SMIM36: variants seen among roughly 807,000 people sequenced by gnomAD.
SMIM36 encodes small integral membrane protein 36.
chr17:55,471,880 T>G (rs532608493), intron 3 of SMIM36, among the ~76,000 whole-genome samples: 80 of 152,336 alleles, frequency 5.3e-4, no homozygotes, highest in Middle Eastern at 3.4e-3. Flanking sequence ...AGCCGCCTCT[T>G]TAATACTTCT....
chr17:55,528,442 C>T, the SMIM36 span, among the ~76,000 whole-genome samples: 2 of 152,072 alleles, frequency 1.3e-5, no homozygotes, highest in African/African-American at 4.8e-5. Context: ...GCTTCAAGCT[C>T]CTGGTCTCCA....
At chr17:55,486,610 G>GTC (rs1909612068) in intron 1 of SMIM36, among the ~76,000 whole-genome samples, 1 of 152,140 alleles carries the variant, frequency 6.6e-6, no homozygotes, top group African/African-American at 2.4e-5. Flanking sequence ...AAGCACTCAG[G>GTC]TGATTTTGAT....
intron 4 of SMIM36, among the ~76,000 whole-genome samples, chr17:55,453,601 T>G (rs1908964046): frequency 6.6e-6 from 1 of 152,222 alleles, no homozygotes; most frequent in Non-Finnish European, 1.5e-5. Context: ...ATATCATTGG[T>G]GTACATAGAG....
At chr17:55,480,634 C>A (rs1409079092) in intron 1 of SMIM36, among the ~76,000 whole-genome samples, 1 of 152,140 alleles carries the variant, frequency 6.6e-6, no homozygotes, top group East Asian at 1.9e-4. Flanking sequence ...CTTTTGATGT[C>A]TAATAATAAT....
At chr17:55,473,102 C>T (rs1279074459) in intron 3 of SMIM36, among the ~76,000 whole-genome samples, 2 of 152,100 alleles carry the variant, frequency 1.3e-5, no homozygotes, top group African/African-American at 4.8e-5. Flanking sequence ...CTCTTCCTGC[C>T]TCACAAGCTC....
At position 55,508,560 on chromosome 17, in the gene SMIM36, G is replaced by A. The variant is rs564453820; in HGVS notation, c.*174+2319C>T. On this transcript the variant is annotated intron_variant, in intron 1 of 4. Transcript: ENST00000636752. ...GGAATATAAGTATATAATATATAAA[G>A]GGTAGGTTCTTAGAAACTGCCTGTG... Among the ~76,000 whole-genome samples, 15 of 149,908 alleles carry A rather than the reference G, an allele frequency of 1.0e-4. No homozygotes were observed. In the South Asian group the frequency reaches 2.9e-3, roughly 29 times the overall value.
chr17:55,501,930 G>A (rs1909992790), intron 1 of SMIM36, among the ~76,000 whole-genome samples: 1 of 147,264 alleles, frequency 6.8e-6, no homozygotes, highest in Admixed American at 6.8e-5. Flanking sequence ...AGGGGTCAGG[G>A]AGTTCCCTTT....
intron 4 of SMIM36, among the ~76,000 whole-genome samples, chr17:55,463,711 G>A (rs569049619): frequency 1.3e-5 from 2 of 152,224 alleles, no homozygotes; most frequent in South Asian, 4.1e-4. Flanking sequence ...TTGGTATGGT[G>A]GAAAGTGCTC....
chr17:55,484,659 A>G (rs1471905776), intron 1 of SMIM36, among the ~76,000 whole-genome samples: 1 of 152,254 alleles, frequency 6.6e-6, no homozygotes, highest in African/African-American at 2.4e-5. Context: ...AATATGGCAG[A>G]TAGAACAAAT....
At chr17:55,460,126 T>C (rs1909112409) in intron 4 of SMIM36, among the ~76,000 whole-genome samples, 1 of 152,010 alleles carries the variant, frequency 6.6e-6, no homozygotes, top group Admixed American at 6.6e-5. Flanking sequence ...TCATCATCCA[T>C]AGATCTTAAA....
chr17:55,471,561 T>C (rs187110618), intron 3 of SMIM36, among the ~76,000 whole-genome samples: 55 of 152,310 alleles, frequency 3.6e-4, no homozygotes, highest in Non-Finnish European at 7.8e-4. Flanking sequence ...GGATATTTCC[T>C]AGTCTAGATA....
At chr17:55,460,636 T>A (rs1477952510) in intron 4 of SMIM36, among the ~76,000 whole-genome samples, 1 of 152,102 alleles carries the variant, frequency 6.6e-6, no homozygotes, top group African/African-American at 2.4e-5. Context: ...GGCGGGCAGA[T>A]CACGAGGTCA....
intron 1 of SMIM36, among the ~76,000 whole-genome samples, chr17:55,482,896 A>C (rs1005836883): frequency 6.6e-6 from 1 of 152,226 alleles, no homozygotes; most frequent in Non-Finnish European, 1.5e-5. Flanking sequence ...GTCATTGAAC[A>C]TTGTAATGCA....
At chr17:55,490,882 C>T (rs1909690470) in intron 1 of SMIM36, among the ~76,000 whole-genome samples, 1 of 126,260 alleles carries the variant, frequency 7.9e-6, no homozygotes, top group African/African-American at 2.5e-5. Context: ...TGGGTGATTT[C>T]CATTTTTTTT....
At chr17:55,508,752 G>A (rs1598459561) in intron 1 of SMIM36, among the ~76,000 whole-genome samples, 1 of 151,508 alleles carries the variant, frequency 6.6e-6, no homozygotes, top group Non-Finnish European at 1.5e-5. Flanking sequence ...GTGAAACCCC[G>A]TGTCTACTAA....
chr17:55,526,403 C>A, the SMIM36 span, among the ~76,000 whole-genome samples: 1 of 152,144 alleles, frequency 6.6e-6, no homozygotes, highest in Non-Finnish European at 1.5e-5. Context: ...AGGTGATCCA[C>A]CCGTCTCGAC....
chr17:55,476,386 T>C (rs1479072798), intron 3 of SMIM36, among the ~76,000 whole-genome samples: 1 of 152,040 alleles, frequency 6.6e-6, no homozygotes, highest in African/African-American at 2.4e-5. Context: ...ACCCAAATCC[T>C]ATAAAACTGC....
the SMIM36 span, among the ~76,000 whole-genome samples, chr17:55,519,158 G>A: frequency 6.6e-6 from 1 of 152,200 alleles, no homozygotes; most frequent in East Asian, 1.9e-4. Flanking sequence ...GCTGGGCAGT[G>A]TTGAATTCCC....
intron 3 of SMIM36, among the ~76,000 whole-genome samples, chr17:55,477,410 T>C (rs574962216): frequency 1.2e-4 from 19 of 152,108 alleles, no homozygotes; most frequent in Non-Finnish European, 2.5e-4. Flanking sequence ...ATGGCTGTCT[T>C]CTCCCTGCAT....
Sources: gnomAD v4.1 joint callset for allele counts (sites outside exome capture counted in the v4.1 genomes callset) on GRCh38, gnomAD v4.1.1 for gene constraint, MANE v1.5 for transcripts, NCBI Gene and HGNC (gene_info 2026-07-23, HGNC 2026-07-21) for gene names.